WNT2B: variants seen among roughly 807,000 people sequenced by gnomAD.
The protein encoded by WNT2B is Wnt family member 2B.
In WNT2B, 19 loss-of-function variants were observed where a neutral mutation model predicts 40.5. The ratio of observed to expected loss-of-function variants is 0.47; its 90% CI spans 0.33 to 0.69. The LOEUF (loss-of-function observed/expected upper bound fraction) is 0.69. Among genes scored for constraint, WNT2B ranks in the 30% least tolerant of loss-of-function variants. The pLI, the probability that WNT2B is intolerant of heterozygous loss-of-function variation, is 0.02. For missense variants in WNT2B, 467 were observed against 556.4 expected (o/e 0.84, Z 1.62); for synonymous variants, 220 against 211.9 (o/e 1.04, Z -0.33).
chr1:112,511,444 C>T (rs947130266), intron 1 of WNT2B, among the ~76,000 whole-genome samples: 5 of 152,316 alleles, frequency 3.3e-5, no homozygotes, highest in African/African-American at 9.6e-5. Context: ...CTTCTAAGGG[C>T]AGGCTAAGCC....
At chr1:112,512,650 C>T (rs764731179) in intron 1 of WNT2B, among the ~76,000 whole-genome samples, 16 of 152,226 alleles carry the variant, frequency 1.1e-4, no homozygotes, top group African/African-American at 1.7e-4. Flanking sequence ...ATCTAACACT[C>T]TACCAGACCG....
At chr1:112,488,650 C>T (rs1389421878) in intron 1 of WNT2B, among the ~76,000 whole-genome samples, 1 of 151,046 alleles carries the variant, frequency 6.6e-6, no homozygotes. Context: ...CACCCGGGTT[C>T]ACACCATTCT....
intron 1 of WNT2B, among the ~76,000 whole-genome samples, chr1:112,474,277 C>G (rs1342318364): frequency 1.3e-5 from 2 of 151,684 alleles, no homozygotes; most frequent in Non-Finnish European, 2.9e-5. Context: ...TCCCAAGTAG[C>G]TGGGACTACA....
intron 1 of WNT2B, among the ~76,000 whole-genome samples, chr1:112,482,888 C>T (rs1417577838): frequency 2.0e-5 from 3 of 152,116 alleles, no homozygotes; most frequent in African/African-American, 7.2e-5. Context: ...AGATTTAACG[C>T]CATCCCTATC....
At chr1:112,494,742 G>C (rs78032946) in intron 1 of WNT2B, among the ~76,000 whole-genome samples, 2,820 of 151,636 alleles carry the variant, frequency 0.019, 48 homozygotes, top group Non-Finnish European at 0.03. Flanking sequence ...GACTGGCCTT[G>C]CCAGAAATGT....
intron 1 of WNT2B, among the ~76,000 whole-genome samples, chr1:112,500,810 T>A (rs1180063561): frequency 6.6e-6 from 1 of 152,194 alleles, no homozygotes; most frequent in African/African-American, 2.4e-5. Flanking sequence ...GAGCAGTTTT[T>A]AGATTTACAG....
At position 112,523,474 on chromosome 1, in the gene WNT2B, A is replaced by C. The variant is rs1652992342; in HGVS notation, c.*2965A>C. 6.6e-6 allele frequency: 1 copy of C among 152,208 alleles called. No homozygotes were observed. The highest frequency in any genetic ancestry group is 2.1e-4 in the South Asian group (1 of 4,826). 9.4% of individuals were successfully genotyped at this position (152,208 alleles called of 1,614,324 possible). On this transcript the variant is annotated 3_prime_UTR_variant, in exon 5 of 5. Transcript: ENST00000369684. ...TTGCTTCTGCATTGATTGGCTTTACACAACTGGCATTTAGTCTGCATTACA... is the reference window on the plus strand; with the variant it reads ...TTGCTTCTGCATTGATTGGCTTTACCCAACTGGCATTTAGTCTGCATTACA...
chr1:112,496,182 T>C (rs1046017374), intron 1 of WNT2B, among the ~76,000 whole-genome samples: 2 of 152,180 alleles, frequency 1.3e-5, no homozygotes, highest in African/African-American at 2.4e-5. Flanking sequence ...GATGTAATCA[T>C]AGCTCACTGC....
intron 1 of WNT2B, among the ~76,000 whole-genome samples, chr1:112,485,076 G>A (rs1651370685): frequency 6.6e-6 from 1 of 152,200 alleles, no homozygotes; most frequent in Non-Finnish European, 1.5e-5. Flanking sequence ...GTATGGAAAT[G>A]CAAAGGACCT....
intron 1 of WNT2B, among the ~76,000 whole-genome samples, chr1:112,492,228 A>T (rs1406382112): frequency 6.6e-6 from 1 of 152,218 alleles, no homozygotes; most frequent in East Asian, 1.9e-4. Flanking sequence ...CCTAACAATA[A>T]GTAAAAACCT....
At chr1:112,470,569 C>T (rs1650849401) in intron 1 of WNT2B, among the ~76,000 whole-genome samples, 1 of 152,118 alleles carries the variant, frequency 6.6e-6, no homozygotes, top group African/African-American at 2.4e-5. Flanking sequence ...GCCTGGGTGG[C>T]AGAGTGAGAC....
intron 1 of WNT2B, among the ~76,000 whole-genome samples, chr1:112,488,856 T>A (rs143894699): frequency 6.6e-6 from 1 of 152,054 alleles, no homozygotes; most frequent in Admixed American, 6.6e-5. Context: ...GCCTGGCCCT[T>A]TATTTACCGT....
intron 1 of WNT2B, among the ~76,000 whole-genome samples, chr1:112,469,579 G>GTTGTTTGT (rs565304356): frequency 6.7e-6 from 1 of 148,782 alleles, no homozygotes; most frequent in African/African-American, 2.5e-5. Context: ...TAGGTTTTTT[G>GTTGTTTGT]TTGTTTGTTT....
At chr1:112,492,690 T>C (rs902037121) in intron 1 of WNT2B, among the ~76,000 whole-genome samples, 2 of 152,218 alleles carry the variant, frequency 1.3e-5, no homozygotes, top group African/African-American at 4.8e-5. Flanking sequence ...ATTACTTTTT[T>C]TGCAGAGTCT....
At chr1:112,506,538 G>A (rs1489677288), upstream of WNT2B, among the ~76,000 whole-genome samples, 2 of 152,146 alleles carry the variant, frequency 1.3e-5, no homozygotes, top group Non-Finnish European at 2.9e-5. Context: ...TCACACCCAG[G>A]TCTAAACACA....
intron 1 of WNT2B, among the ~76,000 whole-genome samples, chr1:112,485,516 T>TA (rs1388126853): frequency 6.7e-6 from 1 of 149,030 alleles, no homozygotes; most frequent in Non-Finnish European, 1.5e-5. Context: ...GGAATAGAAA[T>TA]AAAGAACTAT....
chr1:112,516,097 TG>T, intron 2 of WNT2B, 42 bp from the exon 3 acceptor site: 1 of 1,578,122 alleles, frequency 6.3e-7, no homozygotes, highest in Non-Finnish European at 8.6e-7. Flanking sequence ...GGGACAGACA[TG>T]GGCCTCTTTC....
chr1:112,493,845 G>A (rs1651682032), intron 1 of WNT2B, among the ~76,000 whole-genome samples: 1 of 150,300 alleles, frequency 6.7e-6, no homozygotes, highest in Non-Finnish European at 1.5e-5. Flanking sequence ...GAAGTTCAGT[G>A]AACACCAAGC....
At chr1:112,495,561 C>A (rs1253118545) in intron 1 of WNT2B, among the ~76,000 whole-genome samples, 1 of 151,426 alleles carries the variant, frequency 6.6e-6, no homozygotes, top group African/African-American at 2.4e-5. Context: ...TGCGCTCCAG[C>A]CTGGGTGACA....
Sources: gnomAD v4.1 joint callset for allele counts (sites outside exome capture counted in the v4.1 genomes callset) on GRCh38, gnomAD v4.1.1 for gene constraint, MANE v1.5 for transcripts, NCBI Gene and HGNC (gene_info 2026-07-23, HGNC 2026-07-21) for gene names.